COL22A1: variants seen among roughly 807,000 people sequenced by gnomAD.
The protein encoded by COL22A1 is collagen alpha-1(XXII) chain.
COL22A1 carries 221 observed loss-of-function variants against 248.9 expected under a neutral mutation model. The ratio of observed to expected loss-of-function variants is 0.89; its 90% CI spans 0.80 to 0.99. COL22A1 has a LOEUF of 0.99. Among genes scored for constraint, COL22A1 ranks in the 50% least tolerant of loss-of-function variants. COL22A1 has a pLI of 0.00. For missense variants in COL22A1, 2,240 were observed against 2,179.0 expected (o/e 1.03, Z -0.56); for synonymous variants, 891 against 793.4 (o/e 1.12, Z -2.07).
At chr8:138,712,926 G>T (rs1047108749) in intron 30 of COL22A1, among the ~76,000 whole-genome samples, 13 of 152,136 alleles carry the variant, frequency 8.5e-5, no homozygotes, top group African/African-American at 3.1e-4. Context: ...ATCAGCAGAG[G>T]GTACGTGTTC....
intron 1 of COL22A1, among the ~76,000 whole-genome samples, chr8:138,909,192 C>T (rs911013982): frequency 6.6e-6 from 1 of 151,430 alleles, no homozygotes; most frequent in Non-Finnish European, 1.5e-5. Flanking sequence ...AGGAATAACA[C>T]TTAACACGAG....
chr8:138,767,156 C>T (rs753071897), intron 16 of COL22A1, among the ~76,000 whole-genome samples: 2 of 152,218 alleles, frequency 1.3e-5, no homozygotes, highest in Admixed American at 6.5e-5. Flanking sequence ...GTGAGGACCA[C>T]GTGAGCTAAT....
intron 11 of COL22A1, among the ~76,000 whole-genome samples, chr8:138,799,784 A>T (rs1324190209): frequency 6.6e-6 from 1 of 152,162 alleles, no homozygotes; most frequent in Non-Finnish European, 1.5e-5. Context: ...GATCAAACTG[A>T]ATCAGGTCCC....
chr8:138,730,916 C>T (rs780529117), intron 23 of COL22A1, among the ~76,000 whole-genome samples: 2 of 151,874 alleles, frequency 1.3e-5, no homozygotes, highest in Non-Finnish European at 1.5e-5. Context: ...CACACACACC[C>T]GGGGCAAGAA....
At chr8:138,636,478 G>GAAGA (rs1198924790) in intron 48 of COL22A1, among the ~76,000 whole-genome samples, 2 of 6,460 alleles carry the variant, frequency 3.1e-4, no homozygotes, top group Non-Finnish European at 6.1e-4. Flanking sequence ...AAAAGAGAAG[G>GAAGA]AAGAAAGGAA....
chr8:138,868,343 G>T (rs1483455612), intron 3 of COL22A1, among the ~76,000 whole-genome samples: 1 of 152,054 alleles, frequency 6.6e-6, no homozygotes, highest in Non-Finnish European at 1.5e-5. Context: ...GAGTGGGAGA[G>T]AATCTTAGAT....
intron 22 of COL22A1, among the ~76,000 whole-genome samples, chr8:138,748,539 A>T (rs1832319792): frequency 6.6e-6 from 1 of 152,182 alleles, no homozygotes; most frequent in Non-Finnish European, 1.5e-5. Context: ...CATCTGCAGA[A>T]ATGGGGATGG....
chr8:138,825,959 C>T (rs1484171025), intron 6 of COL22A1: 1 of 152,234 alleles, frequency 6.6e-6, no homozygotes, highest in East Asian at 1.9e-4. Context: ...TCTCTTTCCT[C>T]ACCGGACTGT....
intron 26 of COL22A1, 37 bp from the exon 27 acceptor site, chr8:138,720,829 G>A (rs753701683): frequency 1.3e-6 from 2 of 1,505,386 alleles, no homozygotes; most frequent in East Asian, 2.3e-5. Context: ...CAGGAGACGG[G>A]CCATGCTTGG....
At chr8:138,650,526 A>G (rs1265155998) in intron 45 of COL22A1, among the ~76,000 whole-genome samples, 2 of 152,178 alleles carry the variant, frequency 1.3e-5, no homozygotes, top group Admixed American at 1.3e-4. Context: ...ACTGTACTCC[A>G]GCCTGCCTCA....
rs1032473216 is a variant in COL22A1, at chr8:138,594,132, C to T, written c.4500G>A (p.Gly1500=). The part of the protein sequence containing the change: ...AYMKSSQGRP[G]PPGPPGKDGL... ...CATCTTTTCCAGGGGGCCCTGGGGG[C>T]CCAGGTCTGCCTTGAGATGACTTCA... The change falls in exon 63 of 65, where the codon GGG becomes GGA. Residue 1500 remains glycine (G), a synonymous_variant. Transcript: ENST00000303045. 12 of 1,576,100 alleles carry T rather than the reference C, an allele frequency of 7.6e-6. No homozygotes were observed. Among genetic ancestry groups the T allele is most frequent in the East Asian group, 2.3e-5 (1 of 42,744 alleles).
At chr8:138,681,015 G>T (rs1257572499) in intron 39 of COL22A1, among the ~76,000 whole-genome samples, 1 of 152,174 alleles carries the variant, frequency 6.6e-6, no homozygotes, top group African/African-American at 2.4e-5. Flanking sequence ...GCCTGCCTCT[G>T]CTCTTTAATG....
At position 138,778,426 on chromosome 8, in the gene COL22A1, G is replaced by A. The variant is rs1257173767; in HGVS notation, c.1705-20C>T. The A allele has an allele frequency of 3.2e-6, 5 of 1,571,096 alleles. No homozygotes were observed. The highest frequency in any genetic ancestry group is 3.4e-6 in the Non-Finnish European group (4 of 1,163,558). ...GGGCCCCTGCAGAAGAGCATTTACA[G>A]AGTAAAGTTTCAGGGATGGAAAAGA... On this transcript the variant is annotated intron_variant, in intron 14 of 64. Coordinates refer to ENST00000303045, the MANE Select transcript of COL22A1 (RefSeq NM_152888.3).
chr8:138,906,879 C>A (rs554181898), intron 1 of COL22A1, among the ~76,000 whole-genome samples: 52 of 152,338 alleles, frequency 3.4e-4, no homozygotes, highest in Middle Eastern at 3.4e-3. Context: ...TCTCGAACTC[C>A]TGACCTCAAG....
In COL22A1 at chr8:138,635,008, A is replaced by T; in HGVS notation, c.3609+2T>A. On this transcript the variant is annotated splice_donor_variant, in intron 49 of 64. Coordinates refer to ENST00000303045, the MANE Select transcript of COL22A1 (RefSeq NM_152888.3). LOFTEE classifies it high-confidence loss of function. ...AGGAGGGGATTAAAGATGATTACTT[A>T]CTGGTGGCCCAGGGTTCCCTGGGGG... is the stretch of plus-strand genomic sequence containing the variant. 2 of 1,594,898 alleles carry T rather than the reference A, an allele frequency of 1.3e-6. No individual in the cohort carries two copies. Among genetic ancestry groups the T allele is most frequent in the Non-Finnish European group, 1.7e-6 (2 of 1,163,288 alleles).
At chr8:138,757,463 T>G (rs1226079096) in intron 18 of COL22A1, among the ~76,000 whole-genome samples, 1 of 82,418 alleles carries the variant, frequency 1.2e-5, no homozygotes, top group Non-Finnish European at 2.7e-5. Flanking sequence ...ATTATTATTA[T>G]ATTACACCAC....
chr8:138,616,161 C>T (rs1422302106), intron 54 of COL22A1, 107 bp from the exon 55 acceptor site: 2 of 911,618 alleles, frequency 2.2e-6, no homozygotes, highest in African/African-American at 3.3e-5. Context: ...GCCCAGGGGC[C>T]CTGTCAACTT....
chr8:138,818,307 T>TA (rs1313737958), intron 7 of COL22A1, among the ~76,000 whole-genome samples: 4 of 152,128 alleles, frequency 2.6e-5, no homozygotes, highest in African/African-American at 9.7e-5. Context: ...ACAGGGAACT[T>TA]AAACAAGTCA....
chr8:138,787,439 AG>A (rs1161951031), intron 12 of COL22A1, among the ~76,000 whole-genome samples: 1 of 152,180 alleles, frequency 6.6e-6, no homozygotes, highest in Non-Finnish European at 1.5e-5. Flanking sequence ...TTCACCTGGA[AG>A]GGAGATGACA....
Sources: gnomAD v4.1 joint callset for allele counts (sites outside exome capture counted in the v4.1 genomes callset) on GRCh38, gnomAD v4.1.1 for gene constraint, MANE v1.5 for transcripts, NCBI Gene and HGNC (gene_info 2026-07-23, HGNC 2026-07-21) for gene names.